RAF1: variants seen among roughly 807,000 people sequenced by gnomAD.
The protein encoded by RAF1 is Raf-1 proto-oncogene, serine/threonine kinase.
A neutral mutation model predicts 81.1 loss-of-function variants in RAF1; 27 were observed. That is an observed-to-expected ratio of 0.33 (90% confidence interval 0.25 to 0.46). The LOEUF is 0.46. Among genes scored for constraint, RAF1 ranks in the 20% least tolerant of loss-of-function variants. The pLI, the probability that RAF1 is intolerant of heterozygous loss-of-function variation, is 1.00. For missense variants in RAF1, 598 were observed against 826.0 expected, an observed-to-expected ratio of 0.72 and a Z score of 3.38; for synonymous variants, 298 against 294.0, an observed-to-expected ratio of 1.01 and a Z score of -0.14.
chr3:12,590,495 T>G (rs950009719), intron 13 of RAF1: 22 of 390,364 alleles, frequency 5.6e-5, no homozygotes, highest in Admixed American at 4.4e-4. Context: ...TGGTTCATTC[T>G]TGTATTTTCA....
At chr3:12,634,181 T>A (rs1441837598) in intron 1 of RAF1, among the ~76,000 whole-genome samples, 1 of 150,658 alleles carries the variant, frequency 6.6e-6, no homozygotes, top group Non-Finnish European at 1.5e-5. Context: ...TGAGTCTTGC[T>A]CTATCACCCA....
chr3:12,632,341 A>AG (rs56851231), intron 1 of RAF1, among the ~76,000 whole-genome samples: 1 of 151,318 alleles, frequency 6.6e-6, no homozygotes, highest in African/African-American at 2.4e-5. Flanking sequence ...AAAAAAAAAA[A>AG]GAGTAGGCTT....
Position 12,625,934 on chromosome 3 carries a change from C to T in RAF1, c.-26-7187G>A, listed in dbSNP as rs149892356. Reference sequence around the variant, plus strand: ...AAGTACTATATGCGTAGTATAATATCGAAAGTAAACCATACTGCAGGAAAT... The same window carrying T: ...AAGTACTATATGCGTAGTATAATATTGAAAGTAAACCATACTGCAGGAAAT... On this transcript the variant is annotated intron_variant, in intron 1 of 17. Coordinates refer to ENST00000442415, the MANE Select transcript of RAF1 (RefSeq NM_001354689.3). Among the ~76,000 whole-genome samples, 271 of 151,810 alleles carry T rather than the reference C, an allele frequency of 1.8e-3. 1 individual carries two copies. The highest frequency in any genetic ancestry group is 5.2e-3 in the South Asian group (25 of 4,804).
rs558321162 is a variant in RAF1, at chr3:12,659,037, T to C, written c.-27+4776A>G. The stretch of plus-strand genomic sequence containing the variant: ...TTCTGGGAGAAAAGAAGTAACAAAA[T>C]GACTCAAACATTGTAAAATTAAAGA... On this transcript the variant is annotated intron_variant, in intron 1 of 17. Coordinates refer to ENST00000442415, the MANE Select transcript of RAF1 (RefSeq NM_001354689.3). Among the ~76,000 whole-genome samples, 297 of 152,164 alleles carry C rather than the reference T, an allele frequency of 2.0e-3. 1 individual carries two copies. The highest frequency in any genetic ancestry group is 6.3e-3 in the African/African-American group (261 of 41,506).
At chr3:12,659,440 A>AAAAAAAAAAAAAAAAC (rs1324169397) in intron 1 of RAF1, among the ~76,000 whole-genome samples, 1 of 150,378 alleles carries the variant, frequency 6.6e-6, no homozygotes, top group Non-Finnish European at 1.5e-5. Flanking sequence ...AAAAAAAAAA[A>AAAAAAAAAAAAAAAAC]AAAAATTACA....
intron 1 of RAF1, among the ~76,000 whole-genome samples, chr3:12,645,559 T>C (rs962444524): frequency 4.6e-5 from 7 of 152,266 alleles, no homozygotes; most frequent in Middle Eastern, 3.4e-3. Context: ...TTTAAAATTT[T>C]TGTTTGTTTT....
intron 1 of RAF1, among the ~76,000 whole-genome samples, chr3:12,648,676 G>T (rs1163527340): frequency 2.6e-5 from 4 of 152,056 alleles, no homozygotes; most frequent in African/African-American, 9.7e-5. Context: ...AACCCAGGAA[G>T]CAGAGGTGGC....
chr3:12,612,095 C>A (rs1469319567), intron 2 of RAF1, 33 bp from the exon 3 acceptor site: 4 of 1,536,478 alleles, frequency 2.6e-6, no homozygotes, highest in African/African-American at 2.7e-5. Flanking sequence ...AGGACCAACA[C>A]AGGCTGCAGC....
chr3:12,612,167 C>T (rs769712261), intron 2 of RAF1, 105 bp from the exon 3 acceptor site: 20 of 846,218 alleles, frequency 2.4e-5, no homozygotes, highest in Admixed American at 7.2e-5. Flanking sequence ...TGATGGCCCA[C>T]GCACACACAC....
intron 1 of RAF1, among the ~76,000 whole-genome samples, chr3:12,633,203 G>GA (rs1248544947): frequency 1.3e-5 from 2 of 152,084 alleles, no homozygotes; most frequent in African/African-American, 2.4e-5. Flanking sequence ...AACACACAGA[G>GA]AAAAAAACCC....
intron 11 of RAF1, among the ~76,000 whole-genome samples, chr3:12,598,875 A>T (rs1409327288): frequency 6.6e-6 from 1 of 152,096 alleles, no homozygotes; most frequent in Non-Finnish European, 1.5e-5. Flanking sequence ...AGATAATTCC[A>T]GTGTCATCCA....
intron 1 of RAF1, among the ~76,000 whole-genome samples, chr3:12,656,892 G>A (rs1385328153): frequency 1.3e-5 from 2 of 151,752 alleles, no homozygotes; most frequent in African/African-American, 2.4e-5. Flanking sequence ...TGCTACTTGG[G>A]AAGCTGAGAC....
At chr3:12,657,502 G>A (rs1343680680) in intron 1 of RAF1, among the ~76,000 whole-genome samples, 1 of 152,146 alleles carries the variant, frequency 6.6e-6, no homozygotes, top group Non-Finnish European at 1.5e-5. Context: ...CAGGCGCAGT[G>A]GCTCACACCT....
chr3:12,645,288 A>G (rs1259593645), intron 1 of RAF1, among the ~76,000 whole-genome samples: 2 of 152,104 alleles, frequency 1.3e-5, no homozygotes, highest in African/African-American at 4.8e-5. Flanking sequence ...AATTTAACAC[A>G]GCTTTACAAT....
intron 1 of RAF1, among the ~76,000 whole-genome samples, chr3:12,655,176 G>A (rs552415102): frequency 6.6e-6 from 1 of 152,144 alleles, no homozygotes; most frequent in Non-Finnish European, 1.5e-5. Context: ...TCTGCCTCCC[G>A]AGTTCAAGCG....
At chr3:12,635,341 A>C (rs1044902784) in intron 1 of RAF1, among the ~76,000 whole-genome samples, 1 of 145,734 alleles carries the variant, frequency 6.9e-6, no homozygotes, top group African/African-American at 2.6e-5. Flanking sequence ...AAAAAAAAAA[A>C]AAAAAAAAAA....
Position 12,663,993 on chromosome 3 carries a change from G to A in RAF1, c.-207C>T. 2.5e-6 allele frequency: 1 copy of A among 398,526 alleles called. No homozygotes were observed. The highest frequency in any genetic ancestry group is 1.3e-4 in the South Asian group (1 of 7,860). The allele number at this position is 398,526 out of a possible 1,614,324, so 24.7% of individuals were successfully genotyped here. ...ACGCGCTCCGCGCCTCAGGGCACGCGCCCCAAAGCCCGGCCAGCTGACCCT... is the reference window on the plus strand; with the variant it reads ...ACGCGCTCCGCGCCTCAGGGCACGCACCCCAAAGCCCGGCCAGCTGACCCT... On this transcript the variant is annotated 5_prime_UTR_variant, in exon 1 of 18. Transcript: ENST00000442415.
intron 11 of RAF1, 64 bp from the exon 11 acceptor site, chr3:12,591,856 T>C: frequency 1.6e-6 from 2 of 1,222,446 alleles, no homozygotes; most frequent in Non-Finnish European, 2.4e-6. Context: ...AATAACCTAG[T>C]TTTGAGGAAG....
chr3:12,614,306 C>G (rs1281277559), intron 2 of RAF1, among the ~76,000 whole-genome samples: 1 of 152,098 alleles, frequency 6.6e-6, no homozygotes, highest in East Asian at 1.9e-4. Context: ...TGTCAAAACA[C>G]TGGGAAAGGA....
Sources: gnomAD v4.1 joint callset for allele counts (sites outside exome capture counted in the v4.1 genomes callset) on GRCh38, gnomAD v4.1.1 for gene constraint, MANE v1.5 for transcripts, NCBI Gene and HGNC (gene_info 2026-07-23, HGNC 2026-07-21) for gene names.